SLA: variants seen among roughly 807,000 people sequenced by gnomAD.
The protein encoded by SLA is Src like adaptor, also known as src-like-adapter.
SLA carries 16 observed loss-of-function variants against 30.3 expected under a neutral mutation model. The observed-to-expected ratio is 0.53, with a 90% confidence interval of 0.36 to 0.80. SLA has a LOEUF of 0.80. SLA is among the 30% of genes least tolerant of loss of function. The pLI, the probability that SLA is intolerant of heterozygous loss-of-function variation, is 0.01. For synonymous variants in SLA, 143 were observed against 137.8 expected (o/e 1.04, Z -0.26); for missense variants, 310 against 345.2 (o/e 0.90, Z 0.81).
intron 1 of SLA, among the ~76,000 whole-genome samples, chr8:133,082,678 G>T (rs1005265756): frequency 1.3e-5 from 2 of 152,144 alleles, no homozygotes; most frequent in Non-Finnish European, 2.9e-5. Flanking sequence ...AAACAATAAT[G>T]CCATTAAACC....
intron 6 of SLA, among the ~76,000 whole-genome samples, chr8:133,046,046 C>G (rs1451089740): frequency 6.6e-6 from 1 of 152,160 alleles, no homozygotes; most frequent in Non-Finnish European, 1.5e-5. Context: ...GCTCCTTAAG[C>G]CTCGTTAGAG....
chr8:133,051,373 G>C, intron 3 of SLA, among the ~76,000 whole-genome samples: 1 of 152,148 alleles, frequency 6.6e-6, no homozygotes, highest in East Asian at 1.9e-4. Flanking sequence ...CAATGCCTCG[G>C]GTGTCCACTC....
At chr8:133,069,597 G>A (rs1156641008) in intron 2 of SLA, among the ~76,000 whole-genome samples, 3 of 152,172 alleles carry the variant, frequency 2.0e-5, no homozygotes, top group Non-Finnish European at 2.9e-5. Context: ...GTGAGTGACC[G>A]TCTCCCCTAC....
intron 7 of SLA, among the ~76,000 whole-genome samples, chr8:133,041,185 G>T (rs546031268): frequency 1.3e-5 from 2 of 152,200 alleles, no homozygotes; most frequent in Non-Finnish European, 2.9e-5. Flanking sequence ...ACTGGCCTCC[G>T]GCAGGGCTAA....
chr8:133,056,781 G>A (rs1841511798), intron 3 of SLA, among the ~76,000 whole-genome samples: 1 of 152,190 alleles, frequency 6.6e-6, no homozygotes, highest in Admixed American at 6.5e-5. Flanking sequence ...GGAGGACAGA[G>A]AGACTAAGGA....
intron 7 of SLA, among the ~76,000 whole-genome samples, chr8:133,042,986 G>A (rs1420361917): frequency 6.6e-6 from 1 of 151,036 alleles, no homozygotes; most frequent in African/African-American, 2.4e-5. Context: ...GACCCACCAT[G>A]CCTGGCCCAT....
chr8:133,075,286 C>A (rs1844686545), intron 1 of SLA, among the ~76,000 whole-genome samples, 156 bp from the exon 2 acceptor site: 1 of 152,186 alleles, frequency 6.6e-6, no homozygotes, highest in African/African-American at 2.4e-5. Context: ...ATCCCCAGAA[C>A]TCTCTGGGCC....
Position 133,038,670 on chromosome 8 carries a change from G to T in SLA, c.685C>A (p.Leu229Ile). 1 of 1,614,042 alleles carries T rather than the reference G, an allele frequency of 6.2e-7. No individual in the cohort carries two copies. Among genetic ancestry groups the T allele is most frequent in the Non-Finnish European group, 8.5e-7 (1 of 1,179,974 alleles). ...AGGTAAGAGGCAATGCTCTCTCGAA[G>T]GCCATAGCTGAAAAGGGACTCGTCT... ...GVDESLFSYG[L>I]RESIASYLSL... The change falls in exon 9 of 9, where the codon CTT (leucine) becomes ATT (isoleucine). Residue 229 changes from leucine (L) to isoleucine (I), a missense_variant. Coordinates refer to ENST00000338087, the MANE Select transcript of SLA (RefSeq NM_001045556.3).
chr8:133,070,029 A>AAAAAAAAAAAAAAAAAAAAAAC (rs376711807), intron 2 of SLA, among the ~76,000 whole-genome samples: 2 of 109,810 alleles, frequency 1.8e-5, no homozygotes, highest in African/African-American at 7.8e-5. Context: ...AAAAAAAAGA[A>AAAAAAAAAAAAAAAAAAAAAAC]AGAAAGAAAG....
At chr8:133,073,523 A>G (rs1289899936) in intron 2 of SLA, among the ~76,000 whole-genome samples, 1 of 152,246 alleles carries the variant, frequency 6.6e-6, no homozygotes, top group East Asian at 1.9e-4. Context: ...CACCAAGCCC[A>G]GCTAATTTTT....
At position 133,089,167 on chromosome 8, in the gene SLA, C is replaced by G. The variant is rs551750550; in HGVS notation, c.-319+13386G>C. ...TACAAGTCACCGATGGGCTCCCTGACTCAGATGCTCCCCACTCCAGTCCAT... is the reference window on the plus strand; with the variant it reads ...TACAAGTCACCGATGGGCTCCCTGAGTCAGATGCTCCCCACTCCAGTCCAT... On this transcript the variant is annotated intron_variant, in intron 1 of 8. Transcript: ENST00000338087. Among the ~76,000 whole-genome samples the G allele has an allele frequency of 5.9e-5, 9 of 152,360 alleles. No homozygotes were observed. The South Asian group carries it at 1.9e-3, about 32-fold the overall frequency.
At chr8:133,094,479 A>G in intron 1 of SLA, 1 of 176,448 alleles carries the variant, frequency 5.7e-6, no homozygotes, top group Admixed American at 5.4e-5. Flanking sequence ...TGACCTTGTG[A>G]TCCGCCCACC....
intron 3 of SLA, among the ~76,000 whole-genome samples, chr8:133,051,653 G>A (rs1019296818): frequency 6.6e-6 from 1 of 152,150 alleles, no homozygotes; most frequent in Non-Finnish European, 1.5e-5. Flanking sequence ...GGGCTGTCTG[G>A]TTCCTGACTG....
intron 2 of SLA, among the ~76,000 whole-genome samples, chr8:133,062,738 G>C (rs2248578): frequency 0.8 from 121,186 of 151,636 alleles, 48,544 homozygotes; most frequent in Admixed American, 0.85. Context: ...AGGAAGCATG[G>C]GTGTGACATG....
intron 1 of SLA, among the ~76,000 whole-genome samples, chr8:133,076,936 A>G (rs1844976733): frequency 6.6e-6 from 1 of 152,182 alleles, no homozygotes; most frequent in South Asian, 2.1e-4. Context: ...AGCAGATTCT[A>G]CTACTTCCCC....
chr8:133,065,694 G>A (rs777805482), intron 2 of SLA, among the ~76,000 whole-genome samples: 6 of 152,034 alleles, frequency 3.9e-5, no homozygotes, highest in South Asian at 2.1e-4. Context: ...CCCAGTGGGC[G>A]GAGGTGGCAG....
intron 7 of SLA, among the ~76,000 whole-genome samples, chr8:133,041,784 G>GTT (rs529937626): frequency 0.012 from 1,487 of 124,356 alleles, 47 homozygotes; most frequent in African/African-American, 0.043. Context: ...CTTGTGGTCA[G>GTT]TTTTTTTTTT....
intron 2 of SLA, among the ~76,000 whole-genome samples, chr8:133,066,682 C>G (rs1843083536): frequency 6.6e-6 from 1 of 152,230 alleles, no homozygotes; most frequent in South Asian, 2.1e-4. Context: ...CAGCTCCCAA[C>G]CTACTGGCTG....
rs1377502143 is a variant in SLA at position 133,037,892 on chromosome 8, A to T, written c.*632T>A. The T allele has an allele frequency of 6.6e-6, 1 of 152,404 alleles. No homozygotes were observed. Among genetic ancestry groups the T allele is most frequent in the Non-Finnish European group, 1.5e-5 (1 of 68,252 alleles). The allele number at this position is 152,404 out of a possible 1,614,324, so 9.4% of individuals were successfully genotyped here. A position where few individuals can be genotyped will look rare whatever the true frequency, so the allele number is the denominator to read the frequency against. On this transcript the variant is annotated 3_prime_UTR_variant, in exon 9 of 9. Coordinates refer to ENST00000338087, the MANE Select transcript of SLA (RefSeq NM_001045556.3). ...GCCCTCTGCAGAACCAGGGAGGCCAACTGACTTCCACCCATATGGCTTTGG... is the reference window on the plus strand; with the variant it reads ...GCCCTCTGCAGAACCAGGGAGGCCATCTGACTTCCACCCATATGGCTTTGG...
Sources: allele counts gnomAD v4.1 joint callset (sites outside exome capture counted in the v4.1 genomes callset), GRCh38; gene constraint gnomAD v4.1.1; transcripts MANE v1.5; gene names NCBI Gene and HGNC (gene_info 2026-07-23, HGNC 2026-07-21).